Variants in EHMT1 observed in about 807,000 individuals in gnomAD.
EHMT1 encodes euchromatic histone lysine methyltransferase 1.
A neutral mutation model predicts 147.2 loss-of-function variants in EHMT1; 15 were observed. The ratio of observed to expected loss-of-function variants is 0.10; its 90% CI spans 0.07 to 0.16. EHMT1 has a LOEUF of 0.16. EHMT1 is among the 10% of genes least tolerant of loss of function. EHMT1 has a pLI of 1.00. For missense variants in EHMT1, 1,587 were observed against 1,772.4 expected, an observed-to-expected ratio of 0.90 and a Z score of 1.88; for synonymous variants, 795 against 709.6, an observed-to-expected ratio of 1.12 and a Z score of -1.91.
intron 1 of EHMT1, among the ~76,000 whole-genome samples, chr9:137,685,084 TAAA>T (rs1942310630): frequency 6.6e-6 from 1 of 152,152 alleles, no homozygotes; most frequent in Non-Finnish European, 1.5e-5. Flanking sequence ...TTTATTGTGA[TAAA>T]GTATACTTAA....
At chr9:137,785,797 T>A (rs2136970109) in intron 15 of EHMT1, 1 of 152,392 alleles carries the variant, frequency 6.6e-6, no homozygotes, top group South Asian at 2.1e-4. Context: ...AGACACAGCG[T>A]TGCTGGCTCC....
rs1312981862 is a variant in EHMT1, at chr9:137,777,832, G to C, written c.2019-50G>C. 6 of 1,607,742 alleles carry C rather than the reference G, an allele frequency of 3.7e-6. No individual in the cohort carries two copies. In the Admixed American group the frequency reaches 1.0e-4, roughly 27 times the overall value. On this transcript the variant is annotated intron_variant, in intron 12 of 26. Transcript: ENST00000460843. Reference sequence around the variant, plus strand: ...CTCTCGGGCAGTCAGAGTCGGAACAGGCCATGTTTCGTGTTTTCATAAACC... The same window carrying C: ...CTCTCGGGCAGTCAGAGTCGGAACACGCCATGTTTCGTGTTTTCATAAACC...
chr9:137,760,806 G>A (rs112158584), intron 9 of EHMT1, among the ~76,000 whole-genome samples: 3 of 152,154 alleles, frequency 2.0e-5, no homozygotes, highest in East Asian at 1.9e-4. Context: ...TCAGGAGATC[G>A]AGACCATCCT....
At chr9:137,718,369 G>A (rs1237086717) in intron 3 of EHMT1, among the ~76,000 whole-genome samples, 1 of 152,260 alleles carries the variant, frequency 6.6e-6, no homozygotes, top group Non-Finnish European at 1.5e-5. Context: ...CTAGGTTTGT[G>A]ATCACATTCC....
chr9:137,638,790 C>T (rs984695636), intron 1 of EHMT1, among the ~76,000 whole-genome samples: 2 of 151,908 alleles, frequency 1.3e-5, no homozygotes, highest in Non-Finnish European at 2.9e-5. Flanking sequence ...AGAAGGAAGA[C>T]AGCATGCGGA....
At chr9:137,719,635 C>G (rs1165972157) in intron 3 of EHMT1, among the ~76,000 whole-genome samples, 1 of 152,210 alleles carries the variant, frequency 6.6e-6, no homozygotes, top group African/African-American at 2.4e-5. Context: ...TTTCACCAAG[C>G]TTCCTTCAGT....
chr9:137,791,094 C>G, intron 16 of EHMT1, 124 bp downstream of exon 16: 2 of 1,499,966 alleles, frequency 1.3e-6, no homozygotes, highest in Non-Finnish European at 1.8e-6. Context: ...CCCAGTTGTC[C>G]AGAAATAGTT....
intron 1 of EHMT1, among the ~76,000 whole-genome samples, chr9:137,709,482 T>C (rs1944512107): frequency 6.6e-6 from 1 of 152,116 alleles, no homozygotes; most frequent in Admixed American, 6.5e-5. Context: ...AGGTCCGGTG[T>C]TACCAAGTCA....
Position 137,752,353 on chromosome 9 carries a change from A to G in EHMT1, c.1193A>G (p.Glu398Gly). 1 of 1,614,148 alleles carries G rather than the reference A, an allele frequency of 6.2e-7. No homozygotes were observed. ...CAGATGGACGGGGAGTCCGAGGAGGAGCAGGAGTCCGTGGACACCGGGGAG... is the reference window on the plus strand; with the variant it reads ...CAGATGGACGGGGAGTCCGAGGAGGGGCAGGAGTCCGTGGACACCGGGGAG... ...AQKMDGESEEEQESVDTGEEE... is the reference protein window; with the variant it reads ...AQKMDGESEEGQESVDTGEEE... The change falls in exon 7 of 27, where the codon GAG becomes GGG. Residue 398 changes from glutamate (E) to glycine (G), a missense_variant. By Grantham distance (98) the Glu-to-Gly change is moderately conservative. Coordinates refer to ENST00000460843, the MANE Select transcript of EHMT1 (RefSeq NM_024757.5).
At chr9:137,680,014 CCTT>C (rs1941784848) in intron 1 of EHMT1, among the ~76,000 whole-genome samples, 1 of 152,192 alleles carries the variant, frequency 6.6e-6, no homozygotes, top group Admixed American at 6.6e-5. Context: ...TGATTATTCT[CCTT>C]TCCTGCTGAT....
chr9:137,669,600 C>T (rs1474167250), intron 1 of EHMT1, among the ~76,000 whole-genome samples: 1 of 151,308 alleles, frequency 6.6e-6, no homozygotes, highest in South Asian at 2.1e-4. Context: ...AGGGCGCAGC[C>T]GCTCCAGCAG....
chr9:137,776,098 A>G lies in EHMT1; in HGVS notation c.1792-520A>G, dbSNP rs1950937291. On this transcript the variant is annotated intron_variant, in intron 11 of 26. Coordinates refer to ENST00000460843, the MANE Select transcript of EHMT1 (RefSeq NM_024757.5). This position sits in a 1 kb window ranked among gnomAD's most constrained non-coding sequence, Gnocchi z 4.4. The stretch of plus-strand genomic sequence containing the variant: ...TTGCATGTCCTCCCCATCTTCAAAC[A>G]TCCTTTTTTTGGTTCTGCTACATCT... Among the ~76,000 whole-genome samples, 1 of 152,062 alleles carries G rather than the reference A, an allele frequency of 6.6e-6. No individual in the cohort carries two copies. Among genetic ancestry groups the G allele is most frequent in the Non-Finnish European group, 1.5e-5 (1 of 68,004 alleles).
intron 4 of EHMT1, chr9:137,743,162 G>C (rs1588477350): frequency 5.3e-6 from 3 of 568,430 alleles, no homozygotes; most frequent in East Asian, 6.3e-5. Flanking sequence ...AGATGATCCA[G>C]GACGTGTTTC....
chr9:137,732,532 G>A lies in EHMT1; in HGVS notation c.823+4003G>A, dbSNP rs1947199418. 6.6e-6 allele frequency among the ~76,000 whole-genome samples: 1 copy of A among 152,172 alleles called. No individual in the cohort carries two copies. The highest frequency in any genetic ancestry group is 6.5e-5 in the Admixed American group (1 of 15,280). On this transcript the variant is annotated intron_variant, in intron 4 of 26. Coordinates refer to ENST00000460843, the MANE Select transcript of EHMT1 (RefSeq NM_024757.5). The surrounding 1 kb of genome is among the most constrained non-coding windows in gnomAD (Gnocchi z 4.6). ...TCCTGTTGTGTGGCTGAGTCTGGGG[G>A]TTTATGTGGGCTCAGAATGGAGGAA...
At chr9:137,688,638 A>G (rs1439390024) in intron 1 of EHMT1, among the ~76,000 whole-genome samples, 2 of 152,244 alleles carry the variant, frequency 1.3e-5, no homozygotes, top group Non-Finnish European at 2.9e-5. Flanking sequence ...TAGTTTTATA[A>G]TATTATGGAA....
rs13295554 is a variant in EHMT1 at position 137,818,563 on chromosome 9, G to A, written c.3540+425G>A. On this transcript the variant is annotated intron_variant, in intron 25 of 26. Coordinates refer to ENST00000460843, the MANE Select transcript of EHMT1 (RefSeq NM_024757.5). The stretch of plus-strand genomic sequence containing the variant: ...GTAGAGAGGCCGACTGAGGGGCGCC[G>A]TGTACCGAGACCGTAGAGAGGCCGA... Among the ~76,000 whole-genome samples, 413 of 81,260 alleles carry A rather than the reference G, an allele frequency of 5.1e-3. 8 individuals carry two copies. The highest frequency in any genetic ancestry group is 0.014 in the East Asian group (15 of 1,108). The allele number at this position is 81,260 out of a possible 152,430, so 53.3% of individuals were successfully genotyped here.
At chr9:137,653,301 A>G (rs1264671996) in intron 1 of EHMT1, among the ~76,000 whole-genome samples, 2 of 152,168 alleles carry the variant, frequency 1.3e-5, no homozygotes, top group Non-Finnish European at 2.9e-5. Flanking sequence ...ACACAGTAAC[A>G]TGCTGCATAG....
At chr9:137,683,415 C>G (rs916742511) in intron 1 of EHMT1, among the ~76,000 whole-genome samples, 1 of 152,178 alleles carries the variant, frequency 6.6e-6, no homozygotes, top group African/African-American at 2.4e-5. Flanking sequence ...TCATGTATAA[C>G]CTTCCAAACA....
intron 1 of EHMT1, among the ~76,000 whole-genome samples, chr9:137,635,620 A>G (rs1012964731): frequency 6.6e-6 from 1 of 151,124 alleles, no homozygotes; most frequent in African/African-American, 2.4e-5. Flanking sequence ...GGAGATCGAG[A>G]CCATCCTGGC....
Sources: allele counts gnomAD v4.1 joint callset (sites outside exome capture counted in the v4.1 genomes callset), GRCh38; gene constraint gnomAD v4.1.1; non-coding constraint Gnocchi (gnomAD v3.1); transcripts MANE v1.5; gene names NCBI Gene and HGNC (gene_info 2026-07-23, HGNC 2026-07-21).